Variants in DNAAF8 observed in about 807,000 individuals in gnomAD.
The protein encoded by DNAAF8 is dynein axonemal assembly factor 8, also known as dynein axonemal-associated protein 1.
In DNAAF8, 61 loss-of-function variants were observed where a neutral mutation model predicts 54.6. The ratio of observed to expected loss-of-function variants is 1.12; its 90% CI spans 0.91 to 1.38. The LOEUF (loss-of-function observed/expected upper bound fraction) is 1.38. Among genes scored for constraint, DNAAF8 ranks in the 40% most tolerant of loss-of-function variants. The pLI is 0.00. For missense variants in DNAAF8, 837 were observed against 665.0 expected (o/e 1.26, Z -2.85); for synonymous variants, 320 against 270.1 (o/e 1.18, Z -1.81).
chr16:4,746,799 C>A, intron 7 of DNAAF8, 128 bp from the exon 8 acceptor site: 1 of 897,094 alleles, frequency 1.1e-6, no homozygotes, highest in Non-Finnish European at 1.6e-6. Flanking sequence ...GGACGTCCAC[C>A]GGCCTCCAGT....
chr16:4,739,381 C>T (rs974328821), intron 3 of DNAAF8, among the ~76,000 whole-genome samples: 1 of 144,242 alleles, frequency 6.9e-6, no homozygotes, highest in Non-Finnish European at 1.5e-5. Flanking sequence ...ATGACTTGTA[C>T]TCTAGCTTGG....
rs1053359262 is a variant in DNAAF8 at position 4,738,205 on chromosome 16, G to A, written c.276+259G>A. ...TTTGACCCTTCTCTTCTTCTTGATC[G>A]CTCCTATCCTGTTCTCTACCATGGC... On this transcript the variant is annotated intron_variant, in intron 3 of 9. Transcript: ENST00000299320. Among the ~76,000 whole-genome samples the A allele has an allele frequency of 7.2e-5, 11 of 152,008 alleles. No homozygotes were observed. The East Asian group carries it at 1.7e-3, about 24-fold the overall frequency.
rs557607122 is a variant in DNAAF8, at chr16:4,744,715, C to T, written c.902-155C>T. Among the ~76,000 whole-genome samples the T allele has an allele frequency of 4.6e-5, 7 of 152,298 alleles. No individual in the cohort carries two copies. In the South Asian group the frequency reaches 1.4e-3, roughly 32 times the overall value. On this transcript the variant is annotated intron_variant, in intron 5 of 9. Transcript: ENST00000299320. ...CCTGCTGAGCTAGAGGTGGAGTCCT[C>T]AGAGGGCTGAGTAGGGAGAGGGCTG...
At chr16:4,734,794 C>T (rs1193886403) in intron 1 of DNAAF8, 96 bp downstream of exon 1, 1 of 152,194 alleles carries the variant, frequency 6.6e-6, no homozygotes, top group East Asian at 1.9e-4. Flanking sequence ...GATGGGCTTT[C>T]CACTTCCACA....
rs1001430045 is a variant in DNAAF8 at position 4,740,461 on chromosome 16, C to G, written c.585C>G (p.Asn195Lys). Residue 195 changes from asparagine (N) to lysine (K), a missense_variant, in exon 4 of 10, where the codon AAC becomes AAG. Physicochemically the swap from Asn to Lys is moderately conservative, Grantham distance 94. Transcript: ENST00000299320. ...GCACTGCCTCACAAGAATCTGTGAA[C>G]CGCCGGGCCCTCCGACAGGAGAGAA... ...PLSTASQESV[N>K]RRALRQERRK... 6.2e-7 allele frequency: 1 copy of G among 1,613,992 alleles called. No individual in the cohort carries two copies. Among genetic ancestry groups the G allele is most frequent in the African/African-American group, 1.3e-5 (1 of 75,020 alleles).
intron 3 of DNAAF8, 40 bp downstream of exon 3, chr16:4,737,986 G>A (rs859310): frequency 0.6 from 955,222 of 1,594,592 alleles, 288,511 homozygotes; most frequent in East Asian, 0.69. Context: ...GTGTGTGTGC[G>A]ATGTTAGTCT....
chr16:4,739,781 G>A (rs1021703727), intron 3 of DNAAF8, among the ~76,000 whole-genome samples: 13 of 151,864 alleles, frequency 8.6e-5, no homozygotes, highest in Admixed American at 8.5e-4. Context: ...ACAGTGGCTT[G>A]TGCCTGTAAT....
chr16:4,743,400 C>A (rs1052185522), intron 5 of DNAAF8: 2 of 394,002 alleles, frequency 5.1e-6, no homozygotes, highest in South Asian at 3.9e-5. Flanking sequence ...AAAGGAGAGG[C>A]CTCCGCACCC....
rs151284122 is a variant in DNAAF8 at position 4,741,739 on chromosome 16, C to T, written c.783+1080C>T. On this transcript the variant is annotated intron_variant, in intron 4 of 9. Transcript: ENST00000299320. Reference sequence around the variant, plus strand: ...GCTTGAACCCAGGAGATGGGGATCACGCCCCTGCACTCCAGTTTGGGTGAC... The same window carrying T: ...GCTTGAACCCAGGAGATGGGGATCATGCCCCTGCACTCCAGTTTGGGTGAC... Among the ~76,000 whole-genome samples the T allele has an allele frequency of 2.7e-3, 415 of 152,122 alleles. 4 individuals carry two copies. Among genetic ancestry groups the T allele is most frequent in the African/African-American group, 9.4e-3 (388 of 41,468 alleles).
At chr16:4,744,482 A>G (rs756234914) in intron 5 of DNAAF8, among the ~76,000 whole-genome samples, 5 of 151,976 alleles carry the variant, frequency 3.3e-5, no homozygotes, top group African/African-American at 4.8e-5. Context: ...TGTAATATAC[A>G]AAGTGAAAAA....
At position 4,746,831 on chromosome 16, in the gene DNAAF8, T is replaced by C. The variant is rs541112422; in HGVS notation, c.1182-96T>C. The C allele has an allele frequency of 4.5e-4, 527 of 1,174,336 alleles. 2 individuals carry two copies. The African/African-American group carries it at 7.3e-3, about 16-fold the overall frequency. 72.7% of individuals were successfully genotyped at this position (1,174,336 alleles called of 1,614,324 possible). On this transcript the variant is annotated intron_variant, in intron 7 of 9. Coordinates refer to ENST00000299320, the MANE Select transcript of DNAAF8 (RefSeq NM_139170.3). The stretch of plus-strand genomic sequence containing the variant: ...CAGTGTGGCTGCTGACCTCTTGCAT[T>C]GGGTCACCAGCAAAGCCCGAGTGCT...
intron 4 of DNAAF8, 56 bp from the exon 5 acceptor site, chr16:4,742,987 C>T (rs1176319745): frequency 5.1e-6 from 7 of 1,378,560 alleles, no homozygotes; most frequent in East Asian, 2.3e-5. Flanking sequence ...GAAGCAGGTA[C>T]TTGTGCCTCT....
chr16:4,742,973 C>T (rs2142207852), intron 4 of DNAAF8, 70 bp from the exon 5 acceptor site: 2 of 1,223,862 alleles, frequency 1.6e-6, no homozygotes, highest in Middle Eastern at 1.9e-4. Flanking sequence ...GTCACAGCAG[C>T]TGTGAAGCAG....
intron 9 of DNAAF8, chr16:4,748,494 T>G (rs916423253): frequency 6.6e-6 from 1 of 152,266 alleles, no homozygotes; most frequent in South Asian, 2.1e-4. Flanking sequence ...CTGGAAATGC[T>G]GTCCTGTGTA....
intron 1 of DNAAF8, among the ~76,000 whole-genome samples, chr16:4,736,131 CATT>C (rs1254866765): frequency 1.3e-5 from 2 of 151,962 alleles, no homozygotes; most frequent in Non-Finnish European, 2.9e-5. Flanking sequence ...ACCTATATAT[CATT>C]ATATATCGTA....
At chr16:4,737,526 C>A (rs977861521) in intron 2 of DNAAF8, among the ~76,000 whole-genome samples, 1 of 152,200 alleles carries the variant, frequency 6.6e-6, no homozygotes, top group African/African-American at 2.4e-5. Flanking sequence ...CTGCTGTATG[C>A]GAGGTACTTG....
intron 6 of DNAAF8, among the ~76,000 whole-genome samples, chr16:4,745,974 AAG>A (rs2082011855): frequency 6.6e-6 from 1 of 151,986 alleles, no homozygotes; most frequent in African/African-American, 2.4e-5. Context: ...AAAAAAGAAA[AAG>A]AAAAAGAAAT....
chr16:4,743,033 A>C lies in DNAAF8; in HGVS notation c.784-10A>C. 6.3e-7 allele frequency: 1 copy of C among 1,588,804 alleles called. No homozygotes were observed. The highest frequency in any genetic ancestry group is 1.1e-5 in the South Asian group (1 of 90,334). ...AGCATCCTCATAATCACTGGTTTTA[A>C]TGATTTCAGCAACTTGAAGCGTGGG... is the stretch of plus-strand genomic sequence containing the variant. On this transcript the variant is annotated splice_polypyrimidine_tract_variant and intron_variant, in intron 4 of 9. Coordinates refer to ENST00000299320, the MANE Select transcript of DNAAF8 (RefSeq NM_139170.3).
In DNAAF8 at chr16:4,747,523, C is replaced by A. The variant is rs752865697; in HGVS notation, c.1461C>A (p.Ser487Arg). The change falls in exon 9 of 10, where the codon AGC becomes AGA. Residue 487 changes from serine (S) to arginine (R), a missense_variant. By Grantham distance (110) the Ser-to-Arg change is moderately radical (BLOSUM62 -1). Transcript: ENST00000299320. ...TGAAGCTCTGTGCCAAGGGGCAGAG[C>A]GCCCAGGCTCGACTCCCAAGAGGCA... ...QHMKLCAKGQSAQARLPRGRP... is the reference protein window; with the variant it reads ...QHMKLCAKGQRAQARLPRGRP... The A allele has an allele frequency of 2.5e-6, 4 of 1,612,974 alleles. No homozygotes were observed. The highest frequency in any genetic ancestry group is 2.5e-6 in the Non-Finnish European group (3 of 1,179,884).
Sources: allele counts gnomAD v4.1 joint callset (sites outside exome capture counted in the v4.1 genomes callset), GRCh38; gene constraint gnomAD v4.1.1; transcripts MANE v1.5; gene names NCBI Gene and HGNC (gene_info 2026-07-23, HGNC 2026-07-21).